Variants in LNX2 observed in about 807,000 individuals in gnomAD.
LNX2 encodes the protein ligand of numb-protein X 2.
Under a neutral mutation model 66.2 loss-of-function variants are expected in LNX2, and 35 were observed. The observed-to-expected ratio is 0.53, with a 90% CI of 0.40 to 0.70. The LOEUF (loss-of-function observed/expected upper bound fraction) is 0.70. Ranked by LOEUF, LNX2 falls within the 30% of genes least tolerant of loss-of-function variation. The pLI is 0.00. For missense variants in LNX2, 791 were observed against 850.8 expected, an observed-to-expected ratio of 0.93 and a Z score of 0.87; for synonymous variants, 337 against 315.6, an observed-to-expected ratio of 1.07 and a Z score of -0.72.
At chr13:27,574,745 T>C (rs1028851450) in intron 2 of LNX2, among the ~76,000 whole-genome samples, 3 of 152,164 alleles carry the variant, frequency 2.0e-5, no homozygotes, top group South Asian at 4.1e-4. Context: ...CCACAAGATA[T>C]ACACACTTAA....
intron 1 of LNX2, among the ~76,000 whole-genome samples, chr13:27,607,111 C>CT (rs1955725460): frequency 6.6e-6 from 1 of 152,076 alleles, no homozygotes; most frequent in Non-Finnish European, 1.5e-5. Context: ...ATTTAAGAAT[C>CT]TTTTTGCAAG....
chr13:27,609,603 G>C lies in LNX2; in HGVS notation c.-101+10772C>G, dbSNP rs139560850. 1.6e-3 allele frequency among the ~76,000 whole-genome samples: 241 copies of C among 152,250 alleles called. 1 individual carries two copies. Among genetic ancestry groups the C allele is most frequent in the African/African-American group, 5.4e-3 (226 of 41,544 alleles). ...ATATAGTCACTATCACATTTAGAAA[G>C]ACTAAAATCATGCAGAGCAACTGTG... On this transcript the variant is annotated intron_variant, in intron 1 of 9. Transcript: ENST00000316334.
At chr13:27,579,509 T>C (rs982257417) in intron 2 of LNX2, among the ~76,000 whole-genome samples, 1 of 152,146 alleles carries the variant, frequency 6.6e-6, no homozygotes. Context: ...TTTACCAACA[T>C]GTAAATGAAA....
At chr13:27,592,371 A>G (rs1575523) in intron 1 of LNX2, among the ~76,000 whole-genome samples, 93,894 of 152,042 alleles carry the variant, frequency 0.62, 30,628 homozygotes, top group African/African-American at 0.84. Flanking sequence ...AAAGTCAAGG[A>G]TGACACCAAG....
intron 2 of LNX2, among the ~76,000 whole-genome samples, chr13:27,581,014 T>TA (rs1240657468): frequency 6.6e-6 from 1 of 152,230 alleles, no homozygotes; most frequent in East Asian, 1.9e-4. Context: ...GAATCTATCA[T>TA]AATATCCTGT....
intron 1 of LNX2, among the ~76,000 whole-genome samples, chr13:27,610,573 C>T (rs1389663107): frequency 1.3e-5 from 2 of 152,142 alleles, no homozygotes; most frequent in African/African-American, 4.8e-5. Context: ...ATTGGAAACA[C>T]TTCATGACAC....
At chr13:27,585,013 G>A (rs916949224) in intron 1 of LNX2, among the ~76,000 whole-genome samples, 6 of 151,776 alleles carry the variant, frequency 4.0e-5, no homozygotes, top group African/African-American at 1.5e-4. Flanking sequence ...AACTACTTAG[G>A]AGGCTGAGAC....
chr13:27,583,261 C>CGCGCGCGCGCGCGCGCGCGCGT lies in LNX2; in HGVS notation c.-100-1459_-100-1458insACGCGCGCGCGCGCGCGCGCGC, dbSNP rs11281345. Among the ~76,000 whole-genome samples, 51 of 45,484 alleles carry CGCGCGCGCGCGCGCGCGCGCGT rather than the reference C, an allele frequency of 1.1e-3. 9 individuals carry two copies. The highest frequency in any genetic ancestry group is 0.021 in the Middle Eastern group (2 of 96). 29.8% of individuals were successfully genotyped at this position (45,484 alleles called of 152,430 possible). A position where few individuals can be genotyped will look rare whatever the true frequency, so the allele number is the denominator to read the frequency against. On this transcript the variant is annotated intron_variant, in intron 1 of 9. Coordinates refer to ENST00000316334, the MANE Select transcript of LNX2 (RefSeq NM_153371.4). The stretch of plus-strand genomic sequence containing the variant: ...GTGTGTGTGTGTGTGTGTGTGCGCG[C>CGCGCGCGCGCGCGCGCGCGCGT]GTCCTCTCCAACATACTTATTTTTA...
chr13:27,567,860 C>G, intron 3 of LNX2, 21 bp from the exon 4 acceptor site: 1 of 1,590,896 alleles, frequency 6.3e-7, no homozygotes, highest in Non-Finnish European at 8.6e-7. Context: ...AAAAATGAGA[C>G]AGACAAAAAC....
chr13:27,619,214 G>C (rs1955863007), intron 1 of LNX2, among the ~76,000 whole-genome samples: 1 of 150,614 alleles, frequency 6.6e-6, no homozygotes, highest in Non-Finnish European at 1.5e-5. Flanking sequence ...TGTGGGACTC[G>C]GACAAGCTAA....
chr13:27,589,849 G>A (rs554696007), intron 1 of LNX2, among the ~76,000 whole-genome samples: 27 of 152,284 alleles, frequency 1.8e-4, no homozygotes, highest in African/African-American at 4.3e-4. Context: ...CAATAAGACC[G>A]CTGTGGAAAG....
chr13:27,620,169 C>CCA (rs3081346), intron 1 of LNX2, among the ~76,000 whole-genome samples: 85,005 of 151,406 alleles, frequency 0.56, 25,747 homozygotes, highest in Non-Finnish European at 0.66. Flanking sequence ...TGGACCAGAC[C>CCA]CACACCCGAG....
intron 7 of LNX2, 89 bp downstream of exon 7, chr13:27,556,147 T>A: frequency 7.9e-7 from 1 of 1,259,028 alleles, no homozygotes; most frequent in Non-Finnish European, 1.1e-6. Context: ...TCATGTTTAA[T>A]AGATACTTTG....
intron 2 of LNX2, among the ~76,000 whole-genome samples, chr13:27,578,489 T>G (rs1052008580): frequency 2.6e-5 from 4 of 152,182 alleles, no homozygotes; most frequent in African/African-American, 9.7e-5. Flanking sequence ...GCTGCAAATT[T>G]TTTTGACTTC....
chr13:27,613,774 AT>A (rs1955798427), intron 1 of LNX2, among the ~76,000 whole-genome samples: 1 of 152,212 alleles, frequency 6.6e-6, no homozygotes, highest in African/African-American at 2.4e-5. Context: ...TCTCAAAAAA[AT>A]AAAAATAAAA....
chr13:27,599,136 T>C (rs150898686), intron 1 of LNX2, among the ~76,000 whole-genome samples: 162 of 152,322 alleles, frequency 1.1e-3, no homozygotes, highest in South Asian at 8.5e-3. Context: ...CAAAACTGAA[T>C]AGCATCTCAA....
chr13:27,586,288 C>T (rs751049506), intron 1 of LNX2, among the ~76,000 whole-genome samples: 1 of 152,034 alleles, frequency 6.6e-6, no homozygotes, highest in African/African-American at 2.4e-5. Flanking sequence ...AAGATAAACC[C>T]ATTCCTTCTG....
Position 27,599,370 on chromosome 13 carries a change from G to A in LNX2, c.-100-17567C>T, listed in dbSNP as rs950468861. Among the ~76,000 whole-genome samples, 4 of 152,118 alleles carry A rather than the reference G, an allele frequency of 2.6e-5. No homozygotes were observed. The East Asian group carries it at 7.7e-4, about 29-fold the overall frequency. On this transcript the variant is annotated intron_variant, in intron 1 of 9. Coordinates refer to ENST00000316334, the MANE Select transcript of LNX2 (RefSeq NM_153371.4). ...TCATTGGAACAACATTGTCTTCTAA[G>A]GCCACTCACCACTACTTTGTAAATT...
At chr13:27,563,123 G>A (rs765805482) in intron 4 of LNX2, among the ~76,000 whole-genome samples, 3 of 152,102 alleles carry the variant, frequency 2.0e-5, no homozygotes, top group African/African-American at 7.2e-5. Flanking sequence ...TCTGTAAAAT[G>A]TGTTTACTTC....
Sources: gnomAD v4.1 joint callset for allele counts (sites outside exome capture counted in the v4.1 genomes callset) on GRCh38, gnomAD v4.1.1 for gene constraint, MANE v1.5 for transcripts, NCBI Gene and HGNC (gene_info 2026-07-23, HGNC 2026-07-21) for gene names.